The following JAKMIP3 variants were observed in gnomAD, a reference collection of about 807,000 sequenced individuals.
JAKMIP3 encodes janus kinase and microtubule-interacting protein 3.
In JAKMIP3, 58 loss-of-function variants were observed where a neutral mutation model predicts 118.5. That is an observed-to-expected ratio of 0.49 (90% confidence interval 0.40 to 0.61). The LOEUF is 0.61. JAKMIP3 is among the 20% of genes least tolerant of loss of function. The pLI, the probability that JAKMIP3 is intolerant of heterozygous loss-of-function variation, is 0.00. For missense variants in JAKMIP3, 950 were observed against 1,109.0 expected (o/e 0.86, Z 2.04); for synonymous variants, 486 against 451.2 (o/e 1.08, Z -0.98).
intron 1 of JAKMIP3, among the ~76,000 whole-genome samples, chr10:132,068,508 C>G (rs1363155282): frequency 6.6e-6 from 1 of 151,312 alleles, no homozygotes; most frequent in African/African-American, 2.5e-5. Flanking sequence ...ATCCATGAAC[C>G]TCTTGGGCAG....
chr10:132,039,537 C>T (rs762141143), intron 1 of JAKMIP3, among the ~76,000 whole-genome samples: 3 of 152,190 alleles, frequency 2.0e-5, no homozygotes, highest in East Asian at 1.9e-4. Context: ...GCCCTCTACA[C>T]GTGCCAGGAC....
intron 1 of JAKMIP3, among the ~76,000 whole-genome samples, chr10:132,103,235 G>A (rs996216705): frequency 5.9e-5 from 9 of 151,884 alleles, no homozygotes; most frequent in Non-Finnish European, 1.0e-4. Context: ...GAGGCCCCAG[G>A]AGCAGGAGGG....
At chr10:132,166,959 T>C in intron 21 of JAKMIP3, 24 bp from the exon 22 acceptor site, 6 of 1,485,348 alleles carry the variant, frequency 4.0e-6, no homozygotes, top group Non-Finnish European at 4.6e-6. Flanking sequence ...CTTCCGTTTC[T>C]CCATCCTCCC....
chr10:132,065,608 G>A (rs866709214), upstream of JAKMIP3, among the ~76,000 whole-genome samples: 5 of 152,112 alleles, frequency 3.3e-5, no homozygotes, highest in Non-Finnish European at 5.9e-5. This position sits in a 1 kb window ranked among gnomAD's most constrained non-coding sequence, Gnocchi z 5.6. Context: ...TGAGACTGCC[G>A]CCGGGCCAAC....
In JAKMIP3 at chr10:132,118,311, G is replaced by A. The variant is rs143552368; in HGVS notation, c.633+737G>A. 5.9e-5 allele frequency among the ~76,000 whole-genome samples: 9 copies of A among 152,370 alleles called. No individual in the cohort carries two copies. The highest frequency in any genetic ancestry group is 1.3e-4 in the Admixed American group (2 of 15,310). ...GGTTCAGCTGACGAGAATGTCCAGG[G>A]ATTGCAAGGGACTGATTCCACCCGA... On this transcript the variant is annotated intron_variant, in intron 3 of 23. Transcript: ENST00000684848. The surrounding 1 kb of genome is among the most constrained non-coding windows in gnomAD (Gnocchi z 4.8).
Position 132,109,111 on chromosome 10 carries a change from C to T in JAKMIP3, c.135+4168C>T, listed in dbSNP as rs892379264. Among the ~76,000 whole-genome samples, 204 of 142,184 alleles carry T rather than the reference C, an allele frequency of 1.4e-3. 20 individuals are homozygous for T. Among genetic ancestry groups the T allele is most frequent in the African/African-American group, 4.7e-3 (173 of 36,612 alleles). The allele number at this position is 142,184 out of a possible 152,430, so 93.3% of individuals were successfully genotyped here. On this transcript the variant is annotated intron_variant, in intron 2 of 23. Transcript: ENST00000684848. ...ACACACACATATATATATACACACA[C>T]ACATATATATATACACACACACATA...
intron 2 of JAKMIP3, among the ~76,000 whole-genome samples, chr10:132,108,172 C>A (rs1258824033): frequency 6.6e-6 from 1 of 152,208 alleles, no homozygotes; most frequent in African/African-American, 2.4e-5. Flanking sequence ...GGGGTTCTTT[C>A]TAGGTTGGGG....
At chr10:132,139,252 G>GTGTA (rs1564947822) in intron 9 of JAKMIP3, among the ~76,000 whole-genome samples, 31 of 127,732 alleles carry the variant, frequency 2.4e-4, no homozygotes, top group Admixed American at 2.0e-3. Context: ...GTGTGTGTAT[G>GTGTA]TGTGTGTGTG....
At chr10:132,088,720 C>A (rs2042727848) in intron 1 of JAKMIP3, among the ~76,000 whole-genome samples, 2 of 152,118 alleles carry the variant, frequency 1.3e-5, no homozygotes, top group Non-Finnish European at 2.9e-5. Context: ...AATTAGATCC[C>A]ATTTGTCAAT....
intron 1 of JAKMIP3, among the ~76,000 whole-genome samples, chr10:132,052,674 G>A (rs550082327): frequency 2.3e-4 from 35 of 152,272 alleles, no homozygotes; most frequent in South Asian, 2.1e-4. Context: ...CACCAAAAGC[G>A]TCCATTGTGC....
chr10:132,137,958 G>A (rs1370829931), intron 8 of JAKMIP3, among the ~76,000 whole-genome samples, 161 bp from the exon 9 acceptor site: 1 of 150,908 alleles, frequency 6.6e-6, no homozygotes, highest in Non-Finnish European at 1.5e-5. Context: ...TCCCCGAGGA[G>A]CAGAGCTGGA....
chr10:132,127,723 T>C (rs919029219), intron 3 of JAKMIP3, among the ~76,000 whole-genome samples: 2 of 152,166 alleles, frequency 1.3e-5, no homozygotes, highest in African/African-American at 4.8e-5. Context: ...TTGCCTTGGA[T>C]GGGGTTATCC....
At chr10:132,138,504 T>C (rs965254128) in intron 9 of JAKMIP3, among the ~76,000 whole-genome samples, 2 of 152,216 alleles carry the variant, frequency 1.3e-5, no homozygotes, top group Non-Finnish European at 2.9e-5. Flanking sequence ...GAGAGCGTGC[T>C]GGCGTGTGCT....
Position 132,164,677 on chromosome 10 carries a change from A to G in JAKMIP3, c.2432A>G (p.Lys811Arg). 6.3e-7 allele frequency: 1 copy of G among 1,579,662 alleles called. No homozygotes were observed. The highest frequency in any genetic ancestry group is 2.2e-5 in the East Asian group (1 of 44,716). ...ELLQLAQQRI[K>R]ELEERIEAQK... ...TTCCTTTTAATCTTGCAGAGAATTAAAGAGTTAGAAGAAAGAATAGAAGCT... is the reference window on the plus strand; with the variant it reads ...TTCCTTTTAATCTTGCAGAGAATTAGAGAGTTAGAAGAAAGAATAGAAGCT... The change falls in exon 21 of 24, where the codon AAA becomes AGA. Residue 811 changes from lysine (K) to arginine (R), a missense_variant. Lys to Arg is a conservative substitution (Grantham distance 26). Coordinates refer to ENST00000684848, the MANE Select transcript of JAKMIP3 (RefSeq NM_001323087.2).
At chr10:132,153,851 T>C in intron 18 of JAKMIP3, 24 bp downstream of exon 18, 1 of 1,612,638 alleles carries the variant, frequency 6.2e-7, no homozygotes, top group Non-Finnish European at 8.5e-7. Flanking sequence ...TCACCGAGGT[T>C]CTGCGGCTCG....
intron 1 of JAKMIP3, among the ~76,000 whole-genome samples, chr10:132,082,498 G>A (rs1264089204): frequency 1.3e-5 from 2 of 152,084 alleles, no homozygotes; most frequent in Non-Finnish European, 2.9e-5. Context: ...CCATTCCCAA[G>A]TTACTTCATT....
intron 3 of JAKMIP3, among the ~76,000 whole-genome samples, chr10:132,126,353 A>G (rs1260338440): frequency 1.4e-5 from 2 of 146,984 alleles, no homozygotes; most frequent in African/African-American, 2.5e-5. Context: ...CCCAGGCTGG[A>G]GTGCAGTGGT....
chr10:132,180,835 T>G (rs1223216437), intron 23 of JAKMIP3, among the ~76,000 whole-genome samples: 6 of 149,824 alleles, frequency 4.0e-5, no homozygotes, highest in Admixed American at 4.0e-4. Context: ...TGTGTATATA[T>G]CGTGTGCATG....
chr10:132,102,257 G>T (rs12779847), intron 1 of JAKMIP3, among the ~76,000 whole-genome samples: 35,501 of 152,036 alleles, frequency 0.23, 4,840 homozygotes, highest in African/African-American at 0.39. Flanking sequence ...CTGGAAAGGG[G>T]AGACAGGCAG....
Sources: gnomAD v4.1 joint callset for allele counts (sites outside exome capture counted in the v4.1 genomes callset) on GRCh38, gnomAD v4.1.1 for gene constraint, Gnocchi (gnomAD v3.1) non-coding constraint, MANE v1.5 for transcripts, NCBI Gene and HGNC (gene_info 2026-07-23, HGNC 2026-07-21) for gene names.